ZMYM2: variants seen among roughly 807,000 people sequenced by gnomAD.
The protein encoded by ZMYM2 is zinc finger MYM-type protein 2.
A neutral mutation model predicts 162.8 loss-of-function variants in ZMYM2; 56 were observed. The observed-to-expected ratio is 0.34, with a 90% CI of 0.28 to 0.43. The LOEUF (loss-of-function observed/expected upper bound fraction) is 0.43, where lower values mean the gene tolerates loss of function less well. Ranked by LOEUF, ZMYM2 falls within the 20% of genes least tolerant of loss-of-function variation. ZMYM2 has a pLI of 1.00. For synonymous variants in ZMYM2, 510 were observed against 541.6 expected (o/e 0.94, Z 0.81); for missense variants, 1,275 against 1,621.8 (o/e 0.79, Z 3.67).
the ZMYM2 span, among the ~76,000 whole-genome samples, chr13:19,907,183 T>A: frequency 6.6e-6 from 1 of 152,242 alleles, no homozygotes; most frequent in African/African-American, 2.4e-5. Context: ...TAAAAACTTA[T>A]AAATTACTTT....
chr13:19,898,253 G>A, the ZMYM2 span, among the ~76,000 whole-genome samples: 2 of 145,168 alleles, frequency 1.4e-5, no homozygotes, highest in Non-Finnish European at 3.0e-5. Flanking sequence ...TTTTTTTTGA[G>A]ACAGAGTCTC....
At chr13:20,060,587 A>C (rs1349541083) in intron 16 of ZMYM2, among the ~76,000 whole-genome samples, 1 of 152,152 alleles carries the variant, frequency 6.6e-6, no homozygotes, top group Non-Finnish European at 1.5e-5. Context: ...CTGAGGCAGG[A>C]GAATCGCTTG....
chr13:19,872,555 T>TA, the ZMYM2 span, among the ~76,000 whole-genome samples: 1,834 of 149,430 alleles, frequency 0.012, 39 homozygotes, highest in African/African-American at 0.041. Flanking sequence ...ATCTCAAAAA[T>TA]AAAAAATAAA....
chr13:19,993,105 G>A lies in ZMYM2; in HGVS notation c.33G>A (p.Leu11=), dbSNP rs1949754185. ...CAAGTTCAGTGGGAGGATTAGAATTGACTGATCAGACTCCTGTTTTATTAG... is the reference window on the plus strand; with the variant it reads ...CAAGTTCAGTGGGAGGATTAGAATTAACTGATCAGACTCCTGTTTTATTAG... MDTSSVGGLE[L]TDQTPVLLGS... is the part of the protein sequence containing the mutation. Residue 11 remains leucine (L), a synonymous_variant, in exon 3 of 25, where the codon TTG becomes TTA. Transcript: ENST00000610343. 2 of 1,612,598 alleles carry A rather than the reference G, an allele frequency of 1.2e-6. No homozygotes were observed. The highest frequency in any genetic ancestry group is 2.2e-5 in the South Asian group (2 of 90,754).
chr13:20,013,302 C>T (rs1334457208), intron 6 of ZMYM2, among the ~76,000 whole-genome samples: 2 of 152,130 alleles, frequency 1.3e-5, no homozygotes, highest in African/African-American at 4.8e-5. Context: ...GTACATTGAT[C>T]ATGTACTGTG....
chr13:19,955,460 A>G (rs1954484090), upstream of ZMYM2, among the ~76,000 whole-genome samples: 1 of 152,144 alleles, frequency 6.6e-6, no homozygotes, highest in Non-Finnish European at 1.5e-5. Flanking sequence ...GCTAGTTGCT[A>G]GTTGTGGGTA....
At chr13:20,005,771 C>G (rs981212797) in intron 5 of ZMYM2, among the ~76,000 whole-genome samples, 1 of 152,004 alleles carries the variant, frequency 6.6e-6, no homozygotes, top group Non-Finnish European at 1.5e-5. Flanking sequence ...AAAAATTGGT[C>G]TAAAGATTTT....
At chr13:19,997,531 A>G (rs559795608) in intron 3 of ZMYM2, among the ~76,000 whole-genome samples, 3 of 152,150 alleles carry the variant, frequency 2.0e-5, no homozygotes, top group East Asian at 3.9e-4. Flanking sequence ...GTATGGGTGT[A>G]TGTGTGTGTT....
chr13:20,001,234 A>T (rs1354127633), intron 3 of ZMYM2, among the ~76,000 whole-genome samples: 2 of 152,094 alleles, frequency 1.3e-5, no homozygotes, highest in Admixed American at 1.3e-4. Flanking sequence ...TTTACTAAAA[A>T]TATAAAAATC....
At chr13:19,911,308 C>T in the ZMYM2 span, among the ~76,000 whole-genome samples, 8 of 152,056 alleles carry the variant, frequency 5.3e-5, no homozygotes. Context: ...ATCCACTGGC[C>T]TCAGCCTCCC....
At chr13:19,971,244 G>GTGTGTGTGTGTATATATATATATATA (rs5802035) in intron 2 of ZMYM2, among the ~76,000 whole-genome samples, 1 of 50,130 alleles carries the variant, frequency 2.0e-5, no homozygotes, top group Non-Finnish European at 3.9e-5. Flanking sequence ...GTGTGTGTGT[G>GTGTGTGTGTGTATATATATATATATA]TATATATATA....
At chr13:20,040,097 C>T (rs1954105231) in intron 12 of ZMYM2, among the ~76,000 whole-genome samples, 3 of 152,138 alleles carry the variant, frequency 2.0e-5, no homozygotes, top group African/African-American at 7.2e-5. Flanking sequence ...TGATGCTGGC[C>T]TCATAGAATG....
intron 6 of ZMYM2, among the ~76,000 whole-genome samples, chr13:20,008,644 T>A (rs533599630): frequency 3.9e-5 from 6 of 152,364 alleles, no homozygotes; most frequent in East Asian, 1.9e-4. Flanking sequence ...GCCAGATAAT[T>A]ATTTTTTCAA....
chr13:19,951,527 T>TAAAAAA, the ZMYM2 span, among the ~76,000 whole-genome samples: 698 of 76,392 alleles, frequency 9.1e-3, 21 homozygotes, highest in Non-Finnish European at 0.012. Flanking sequence ...CCATCTCTAC[T>TAAAAAA]AAAAAAAAAA....
At chr13:20,081,966 T>G in intron 21 of ZMYM2, 50 bp from the exon 22 acceptor site, 1 of 1,176,164 alleles carries the variant, frequency 8.5e-7, no homozygotes, top group Non-Finnish European at 1.2e-6. Context: ...TTACTATAAT[T>G]AGCTGATTTT....
the ZMYM2 span, among the ~76,000 whole-genome samples, chr13:19,946,989 G>A: frequency 6.6e-6 from 1 of 151,120 alleles, no homozygotes; most frequent in Non-Finnish European, 1.5e-5. Context: ...TTCCAGGGTT[G>A]GATCCTTAGC....
chr13:20,014,764 T>G (rs1437153499), intron 6 of ZMYM2, among the ~76,000 whole-genome samples: 3 of 142,308 alleles, frequency 2.1e-5, no homozygotes, highest in African/African-American at 5.3e-5. Flanking sequence ...TACTTTAGGT[T>G]TTTTTTTTTT....
At chr13:19,868,820 G>A in the ZMYM2 span, among the ~76,000 whole-genome samples, 1 of 151,902 alleles carries the variant, frequency 6.6e-6, no homozygotes, top group Non-Finnish European at 1.5e-5. Context: ...GCACAATATC[G>A]GCTCACTGCA....
rs73426073 is a variant in ZMYM2 at position 19,967,611 on chromosome 13, A to G, written c.-11+7585A>G. Among the ~76,000 whole-genome samples, 1,005 of 152,348 alleles carry G rather than the reference A, an allele frequency of 6.6e-3. 11 individuals are homozygous for G. The highest frequency in any genetic ancestry group is 0.023 in the African/African-American group (950 of 41,566). Reference sequence around the variant, plus strand: ...TACTACACGTACATTATGCTTTAATATAACTATTAAAAACAATTTTGCTCC... The same window carrying G: ...TACTACACGTACATTATGCTTTAATGTAACTATTAAAAACAATTTTGCTCC... On this transcript the variant is annotated intron_variant, in intron 2 of 24. Transcript: ENST00000610343.
Sources: allele counts gnomAD v4.1 joint callset (sites outside exome capture counted in the v4.1 genomes callset), GRCh38; gene constraint gnomAD v4.1.1; transcripts MANE v1.5; gene names NCBI Gene and HGNC (gene_info 2026-07-23, HGNC 2026-07-21).